Variants in RBFOX1 observed in about 807,000 individuals in gnomAD.
The protein encoded by RBFOX1 is RNA binding protein fox-1 homolog 1.
In RBFOX1, 8 loss-of-function variants were observed where a neutral mutation model predicts 57.7. The observed-to-expected ratio is 0.14, with a 90% confidence interval of 0.08 to 0.25. RBFOX1 has a LOEUF of 0.25. RBFOX1 is among the 10% of genes least tolerant of loss of function. The pLI is 1.00. For synonymous variants in RBFOX1, 326 were observed against 222.4 expected, an observed-to-expected ratio of 1.47 and a Z score of -4.15; for missense variants, 611 against 548.5, an observed-to-expected ratio of 1.11 and a Z score of -1.14.
At chr16:5,599,406 T>C in exon 3 of RBFOX1, 1 of 579,844 alleles carries the variant, frequency 1.7e-6, no homozygotes, top group Non-Finnish European at 3.0e-6. Context: ...GGGCTTGGAG[T>C]CACTGGGGTA....
intron 14 of RBFOX1, among the ~76,000 whole-genome samples, chr16:7,707,592 G>T (rs777019555): frequency 6.6e-6 from 1 of 152,168 alleles, no homozygotes; most frequent in African/African-American, 2.4e-5. Context: ...TGCTGTGAAT[G>T]TTGGTTGCTA....
intron 11 of RBFOX1, among the ~76,000 whole-genome samples, chr16:7,636,833 G>A (rs931567109): frequency 2.3e-5 from 3 of 131,748 alleles, no homozygotes; most frequent in Non-Finnish European, 5.1e-5. Flanking sequence ...GAGAGACAGA[G>A]ACAGAGAGAA....
chr16:6,932,230 A>G lies in RBFOX1; in HGVS notation c.-15-119827A>G, dbSNP rs139404053. Among the ~76,000 whole-genome samples, 58 of 152,160 alleles carry G rather than the reference A, an allele frequency of 3.8e-4. 1 individual carries two copies. Among genetic ancestry groups the G allele is most frequent in the African/African-American group, 1.3e-3 (53 of 41,514 alleles). On this transcript the variant is annotated intron_variant, in intron 3 of 15. Coordinates refer to ENST00000550418, the MANE Select transcript of RBFOX1 (RefSeq NM_018723.4). ...GTGATTTCCCTGCCTCGGCCTCCCAAGTAGCTGGGATTACAGGCATGCACC... is the reference window on the plus strand; with the variant it reads ...GTGATTTCCCTGCCTCGGCCTCCCAGGTAGCTGGGATTACAGGCATGCACC...
chr16:5,286,792 G>A (rs1236870686), intron 1 of RBFOX1, among the ~76,000 whole-genome samples: 2 of 152,316 alleles, frequency 1.3e-5, no homozygotes, highest in East Asian at 1.9e-4. Context: ...TGGTACCATC[G>A]TAGCCTAAAA....
intron 10 of RBFOX1, among the ~76,000 whole-genome samples, chr16:7,608,204 T>C (rs1311562797): frequency 6.6e-6 from 1 of 152,196 alleles, no homozygotes; most frequent in African/African-American, 2.4e-5. Context: ...CTTAGTAACC[T>C]CTTGACGGTA....
upstream of RBFOX1, chr16:6,018,998 G>C (rs372746744): frequency 1.0e-4 from 78 of 773,232 alleles, no homozygotes; most frequent in East Asian, 3.2e-3. Context: ...CGAGGGGAAG[G>C]GGGAGGGGGC....
At chr16:6,441,092 G>A (rs1217475364) in intron 2 of RBFOX1, among the ~76,000 whole-genome samples, 3 of 152,002 alleles carry the variant, frequency 2.0e-5, no homozygotes, top group Non-Finnish European at 2.9e-5. Flanking sequence ...CATGGCGGAC[G>A]GAGAGGCAGT....
intron 3 of RBFOX1, among the ~76,000 whole-genome samples, chr16:5,697,877 T>C (rs1229875953): frequency 6.6e-6 from 1 of 152,184 alleles, no homozygotes; most frequent in Non-Finnish European, 1.5e-5. Flanking sequence ...TGCAATAGTC[T>C]TTGGTAGATA....
At chr16:7,570,485 A>G (rs2092661383) in intron 5 of RBFOX1, among the ~76,000 whole-genome samples, 1 of 152,188 alleles carries the variant, frequency 6.6e-6, no homozygotes, top group African/African-American at 2.4e-5. Flanking sequence ...TGGATGAGTA[A>G]GGACTGCCAC....
intron 4 of RBFOX1, among the ~76,000 whole-genome samples, chr16:6,008,671 A>G (rs1159041750): frequency 6.6e-6 from 1 of 152,148 alleles, no homozygotes; most frequent in East Asian, 1.9e-4. Context: ...ACTGTTGGAA[A>G]AAAGAACCCA....
chr16:6,054,303 ATAAT>A (rs1215257618), intron 1 of RBFOX1, among the ~76,000 whole-genome samples: 1 of 152,194 alleles, frequency 6.6e-6, no homozygotes, highest in South Asian at 2.1e-4. Context: ...ATTTATGTAA[ATAAT>A]AGTTCAACAT....
intron 3 of RBFOX1, among the ~76,000 whole-genome samples, chr16:5,778,583 C>A (rs1236444108): frequency 6.6e-6 from 1 of 152,220 alleles, no homozygotes; most frequent in Non-Finnish European, 1.5e-5. Flanking sequence ...CGTGGCCTTG[C>A]ATGGCGTGCT....
At chr16:6,945,859 C>T (rs533569024) in intron 3 of RBFOX1, among the ~76,000 whole-genome samples, 6 of 152,270 alleles carry the variant, frequency 3.9e-5, no homozygotes, top group Non-Finnish European at 1.5e-5. Context: ...TCACTGCACT[C>T]CCCACTGGGT....
chr16:6,876,499 C>T (rs28630596), intron 3 of RBFOX1, among the ~76,000 whole-genome samples: 35,867 of 152,064 alleles, frequency 0.24, 4,807 homozygotes, highest in Admixed American at 0.36. Flanking sequence ...CATCACATAG[C>T]GCTGTACCTA....
At chr16:7,221,896 T>A (rs1006362863) in intron 4 of RBFOX1, among the ~76,000 whole-genome samples, 2 of 152,212 alleles carry the variant, frequency 1.3e-5, no homozygotes, top group Non-Finnish European at 2.9e-5. Flanking sequence ...AGCTGACATC[T>A]CTTCATGTCC....
At chr16:6,642,353 C>T (rs1453584055) in intron 2 of RBFOX1, among the ~76,000 whole-genome samples, 1 of 152,154 alleles carries the variant, frequency 6.6e-6, no homozygotes, top group Non-Finnish European at 1.5e-5. Flanking sequence ...TAAAAGCGCT[C>T]TCATTAAACT....
chr16:6,435,655 G>A (rs1177452197), intron 2 of RBFOX1, among the ~76,000 whole-genome samples: 4 of 152,046 alleles, frequency 2.6e-5, no homozygotes. Flanking sequence ...AGACACTGGG[G>A]CATTTACCCA....
rs1168675532 is a variant in RBFOX1 at position 5,552,434 on chromosome 16, A to C, written c.259-46468A>C. Among the ~76,000 whole-genome samples the C allele has an allele frequency of 3.9e-5, 6 of 152,204 alleles. No homozygotes were observed. The East Asian group carries it at 1.2e-3, about 29-fold the overall frequency. On this transcript the variant is annotated intron_variant, in intron 2 of 2. Coordinates refer to the RBFOX1 transcript ENST00000585867. Reference sequence around the variant, plus strand: ...TCTGTATTAAATGCTCACATAGCCCAAGAGGTGCGGGATGTTTTAGTCCAT... The same window carrying C: ...TCTGTATTAAATGCTCACATAGCCCCAGAGGTGCGGGATGTTTTAGTCCAT...
At chr16:7,545,423 A>T (rs1421302998) in intron 5 of RBFOX1, among the ~76,000 whole-genome samples, 1 of 152,074 alleles carries the variant, frequency 6.6e-6, no homozygotes, top group Non-Finnish European at 1.5e-5. Context: ...CTCCCTGTCC[A>T]ACAGATGCAC....
Sources: allele counts gnomAD v4.1 joint callset (sites outside exome capture counted in the v4.1 genomes callset), GRCh38; gene constraint gnomAD v4.1.1; transcripts MANE v1.5; gene names NCBI Gene and HGNC (gene_info 2026-07-23, HGNC 2026-07-21).